Variants in STPG2 observed in about 807,000 individuals in gnomAD.
STPG2 encodes the protein sperm tail PG-rich repeat containing 2.
Under a neutral mutation model 54.2 loss-of-function variants are expected in STPG2, and 56 were observed. The ratio of observed to expected loss-of-function variants is 1.03; its 90% confidence interval spans 0.83 to 1.29. The LOEUF is 1.29. Ranked by LOEUF, STPG2 falls within the 50% of genes most tolerant of loss-of-function variation. STPG2 has a pLI of 0.00. For synonymous variants in STPG2, 200 were observed against 181.8 expected (o/e 1.10, Z -0.81); for missense variants, 596 against 544.9 (o/e 1.09, Z -0.93).
At chr4:97,718,200 T>A (rs556609406) in intron 9 of STPG2, among the ~76,000 whole-genome samples, 1 of 152,128 alleles carries the variant, frequency 6.6e-6, no homozygotes, top group South Asian at 2.1e-4. Flanking sequence ...ACAGATGAAG[T>A]CACATAAAAT....
intron 9 of STPG2, among the ~76,000 whole-genome samples, chr4:97,793,370 T>TATATATAC (rs1316581246): frequency 1.4e-5 from 2 of 147,880 alleles, no homozygotes; most frequent in African/African-American, 4.9e-5. Context: ...GTTTTATATA[T>TATATATAC]ACACACACAC....
intron 10 of STPG2, among the ~76,000 whole-genome samples, chr4:97,587,358 T>A (rs1313174892): frequency 6.6e-6 from 1 of 152,020 alleles, no homozygotes; most frequent in East Asian, 1.9e-4. Flanking sequence ...ACCAACAGGT[T>A]TCTTTGTGTT....
intron 5 of STPG2, among the ~76,000 whole-genome samples, chr4:98,011,851 G>C (rs1470161185): frequency 2.6e-5 from 4 of 152,138 alleles, no homozygotes; most frequent in African/African-American, 9.7e-5. Context: ...GTAGATTCTG[G>C]ATATTAGACC....
At chr4:97,899,283 A>T (rs923975477) in intron 8 of STPG2, among the ~76,000 whole-genome samples, 9 of 151,850 alleles carry the variant, frequency 5.9e-5, no homozygotes, top group Non-Finnish European at 8.8e-5. Flanking sequence ...AAATATCTCT[A>T]CAATGAGAGT....
chr4:97,522,054 G>C (rs1731191592), intron 4 of STPG2, among the ~76,000 whole-genome samples: 1 of 148,004 alleles, frequency 6.8e-6, no homozygotes, highest in African/African-American at 2.5e-5. Flanking sequence ...CCTGAATTTT[G>C]CTATTTCCTA....
At chr4:97,883,176 TATATACATATATGTATATAA>T (rs1469903879) in intron 8 of STPG2, among the ~76,000 whole-genome samples, 1 of 151,064 alleles carries the variant, frequency 6.6e-6, no homozygotes, top group Admixed American at 6.6e-5. Flanking sequence ...TATATACACA[TATATACATATATGTATATAA>T]ATATACATAT....
At chr4:97,653,316 AG>A (rs1409254550) in intron 10 of STPG2, among the ~76,000 whole-genome samples, 1 of 151,978 alleles carries the variant, frequency 6.6e-6, no homozygotes, top group African/African-American at 2.4e-5. Context: ...ACATATCCAA[AG>A]ACTAGTTTTG....
At chr4:97,712,641 A>C in intron 10 of STPG2, 58 bp downstream of exon 10, 1 of 1,199,192 alleles carries the variant, frequency 8.3e-7, no homozygotes, top group Non-Finnish European at 1.1e-6. Flanking sequence ...CATTTGTAGT[A>C]CTTTCTGGAA....
chr4:97,493,981 A>G (rs1730556788), intron 4 of STPG2, among the ~76,000 whole-genome samples: 1 of 151,510 alleles, frequency 6.6e-6, no homozygotes, highest in Non-Finnish European at 1.5e-5. Context: ...CATTTTAGCT[A>G]GACAAATGGG....
chr4:97,597,911 G>A (rs897735244), intron 10 of STPG2, among the ~76,000 whole-genome samples: 2 of 151,744 alleles, frequency 1.3e-5, no homozygotes, highest in African/African-American at 4.8e-5. Flanking sequence ...AGAAATAAAA[G>A]GCATCCAAAG....
intron 5 of STPG2, among the ~76,000 whole-genome samples, chr4:98,105,679 A>C (rs985713795): frequency 6.6e-6 from 1 of 152,106 alleles, no homozygotes; most frequent in Non-Finnish European, 1.5e-5. Context: ...TTGAAAATTC[A>C]CAGGGATTTT....
chr4:97,969,734 C>T (rs1477851260), intron 7 of STPG2, among the ~76,000 whole-genome samples: 2 of 152,150 alleles, frequency 1.3e-5, no homozygotes, highest in Non-Finnish European at 2.9e-5. Flanking sequence ...TGGAAGCATT[C>T]CCTTTGAAAA....
chr4:97,956,359 T>A (rs1033966636), intron 7 of STPG2, among the ~76,000 whole-genome samples: 1 of 152,092 alleles, frequency 6.6e-6, no homozygotes, highest in South Asian at 2.1e-4. Flanking sequence ...ATTATAATAT[T>A]TGATTAATCC....
intron 4 of STPG2, among the ~76,000 whole-genome samples, chr4:97,534,707 A>G (rs1031907729): frequency 2.6e-5 from 4 of 152,168 alleles, no homozygotes; most frequent in African/African-American, 9.7e-5. Flanking sequence ...GCAGTCATGT[A>G]ACCACTACCA....
chr4:97,640,532 T>C (rs911856553), intron 10 of STPG2, among the ~76,000 whole-genome samples: 11 of 151,990 alleles, frequency 7.2e-5, no homozygotes, highest in African/African-American at 2.6e-4. Context: ...ATATTGATAT[T>C]GATAATTTGA....
At chr4:97,611,301 G>A (rs1334704349) in intron 10 of STPG2, among the ~76,000 whole-genome samples, 1 of 151,368 alleles carries the variant, frequency 6.6e-6, no homozygotes, top group Non-Finnish European at 1.5e-5. Flanking sequence ...TATGTGGAGA[G>A]ATCACAGATT....
At chr4:97,976,802 A>C (rs2149260350) in intron 6 of STPG2, among the ~76,000 whole-genome samples, 1 of 152,252 alleles carries the variant, frequency 6.6e-6, no homozygotes, top group Admixed American at 6.5e-5. Context: ...GCCCTTTATA[A>C]ATAAACTAAC....
chr4:97,639,396 G>T (rs2148943634), intron 10 of STPG2, among the ~76,000 whole-genome samples: 1 of 151,970 alleles, frequency 6.6e-6, no homozygotes, highest in African/African-American at 2.4e-5. Context: ...CTAATGCTAG[G>T]TGACGAGTTA....
intron 10 of STPG2, among the ~76,000 whole-genome samples, chr4:97,588,422 G>T (rs552089664): frequency 1.3e-5 from 2 of 151,986 alleles, no homozygotes; most frequent in Non-Finnish European, 2.9e-5. Flanking sequence ...CTATCTTAGT[G>T]TGTATTGAAT....
Sources: gnomAD v4.1 joint callset for allele counts (sites outside exome capture counted in the v4.1 genomes callset) on GRCh38, gnomAD v4.1.1 for gene constraint, MANE v1.5 for transcripts, NCBI Gene and HGNC (gene_info 2026-07-23, HGNC 2026-07-21) for gene names.